Variants in NAV2 observed in about 807,000 individuals in gnomAD.
NAV2 encodes helicase, APC down-regulated 1.
In NAV2, 54 loss-of-function variants were observed where a neutral mutation model predicts 223.2. The observed-to-expected ratio is 0.24, with a 90% CI of 0.19 to 0.30. NAV2 has a LOEUF of 0.30. Among genes scored for constraint, NAV2 ranks in the 10% least tolerant of loss-of-function variants. NAV2 has a pLI of 1.00. For missense variants in NAV2, 2,806 were observed against 3,147.5 expected (o/e 0.89, Z 2.60); for synonymous variants, 1,279 against 1,239.3 (o/e 1.03, Z -0.67).
intron 1 of NAV2, among the ~76,000 whole-genome samples, chr11:19,624,801 G>A (rs759337520): frequency 2.0e-4 from 31 of 152,166 alleles, no homozygotes; most frequent in Non-Finnish European, 3.7e-4. Context: ...AGATGAACCC[G>A]GTACCTCAGT....
chr11:20,084,240 G>A (rs1466431737), intron 26 of NAV2, among the ~76,000 whole-genome samples: 2 of 152,216 alleles, frequency 1.3e-5, no homozygotes, highest in Non-Finnish European at 2.9e-5. Flanking sequence ...TGGGACTACA[G>A]GCGCATGCCA....
chr11:19,881,852 G>A (rs887457291), intron 5 of NAV2, among the ~76,000 whole-genome samples: 5 of 152,194 alleles, frequency 3.3e-5, no homozygotes, highest in Admixed American at 6.5e-5. Context: ...AGGACATGAA[G>A]GGTAAGCTTG....
intron 10 of NAV2, among the ~76,000 whole-genome samples, chr11:19,966,004 GGGGA>G (rs1324432133): frequency 6.6e-6 from 1 of 152,216 alleles, no homozygotes; most frequent in African/African-American, 2.4e-5. Flanking sequence ...GTGGCTTCCT[GGGGA>G]TTGGCAAACT....
chr11:20,040,449 A>G (rs1000403563), intron 12 of NAV2, among the ~76,000 whole-genome samples: 3 of 152,206 alleles, frequency 2.0e-5, no homozygotes, highest in Non-Finnish European at 4.4e-5. Context: ...TGTTTTATAC[A>G]TGAGTTAATA....
At chr11:19,483,149 T>C (rs1404863855) in intron 1 of NAV2, among the ~76,000 whole-genome samples, 1 of 152,212 alleles carries the variant, frequency 6.6e-6, no homozygotes, top group Non-Finnish European at 1.5e-5. Flanking sequence ...GTAAGTACTA[T>C]TAGTATATAG....
chr11:19,495,341 G>A (rs139815063), intron 1 of NAV2, among the ~76,000 whole-genome samples: 101 of 152,300 alleles, frequency 6.6e-4, no homozygotes, highest in African/African-American at 2.3e-3. Flanking sequence ...ACTCTAAAGG[G>A]AGTGACAGGC....
At chr11:19,790,632 G>A (rs2057451394) in intron 1 of NAV2, among the ~76,000 whole-genome samples, 1 of 152,200 alleles carries the variant, frequency 6.6e-6, no homozygotes, top group Non-Finnish European at 1.5e-5. Flanking sequence ...TCCTCTGTAA[G>A]AGTAACTCTG....
chr11:19,939,711 G>A lies in NAV2; in HGVS notation c.2084G>A (p.Gly695Asp), dbSNP rs144024926. The change falls in exon 8 of 38, where the codon GGT (glycine) becomes GAT (aspartate). Residue 695 changes from glycine (G) to aspartate (D), a missense_variant. By Grantham distance (94) the Gly-to-Asp change is moderately conservative. This residue lies in a region of NAV2 where 1,167 missense variants were observed against 1,180.5 expected (regional missense o/e 0.99). Coordinates refer to ENST00000349880, the MANE Select transcript of NAV2 (RefSeq NM_145117.5). ...GTTACTGCCGAGTCAAGCTCAACAG[G>A]TGTGAGCGTGGAGCCCAGCCACTTC... Reference protein sequence around the residue: ...GNVTAESSSTGVSVEPSHFTK... With the variant: ...GNVTAESSSTDVSVEPSHFTK... The A allele has an allele frequency of 1.2e-4, 198 of 1,614,044 alleles. No homozygotes were observed. The highest frequency in any genetic ancestry group is 1.6e-4 in the Non-Finnish European group (193 of 1,180,028).
chr11:19,986,872 G>A (rs2050840284), intron 11 of NAV2, among the ~76,000 whole-genome samples: 1 of 152,138 alleles, frequency 6.6e-6, no homozygotes, highest in Non-Finnish European at 1.5e-5. Flanking sequence ...TAGTACATTT[G>A]TTTCTGTAAA....
chr11:19,667,045 C>T (rs1464317700), intron 1 of NAV2, among the ~76,000 whole-genome samples: 1 of 151,984 alleles, frequency 6.6e-6, no homozygotes, highest in Non-Finnish European at 1.5e-5. Context: ...ACTACCCCAA[C>T]CCCCAGACTA....
At chr11:19,985,883 T>G (rs2050753643) in intron 11 of NAV2, among the ~76,000 whole-genome samples, 1 of 152,054 alleles carries the variant, frequency 6.6e-6, no homozygotes, top group Admixed American at 6.6e-5. Flanking sequence ...GGCTGAGAAC[T>G]GCTCTTACTA....
intron 1 of NAV2, among the ~76,000 whole-genome samples, chr11:19,775,591 G>C (rs550845232): frequency 6.6e-6 from 1 of 152,318 alleles, no homozygotes; most frequent in East Asian, 1.9e-4. Context: ...GTGGGACAAG[G>C]CAGAAAAGAA....
Position 20,097,595 on chromosome 11 carries a change from G to A in NAV2, c.6031G>A (p.Asp2011Asn). 1 of 1,596,710 alleles carries A rather than the reference G, an allele frequency of 6.3e-7. No individual in the cohort carries two copies. The highest frequency in any genetic ancestry group is 8.5e-7 in the Non-Finnish European group (1 of 1,174,840). ...TTTCCAGGAATACATCATTCATGTC[G>A]ACCCAGTGAGTCAGCTAGGGCTGAA... ...RLFKEYIIHV[D>N]PVSQLGLNSD... is the part of the protein sequence containing the mutation. The change falls in exon 31 of 38, where the codon GAC (aspartate) becomes AAC (asparagine). Residue 2011 changes from aspartate (D) to asparagine (N), a missense_variant. By Grantham distance (23) the Asp-to-Asn change is conservative. Transcript: ENST00000349880.
intron 1 of NAV2, among the ~76,000 whole-genome samples, chr11:19,492,583 T>C (rs1242978600): frequency 1.3e-5 from 2 of 152,270 alleles, no homozygotes; most frequent in Non-Finnish European, 2.9e-5. Flanking sequence ...TTCCACTTCA[T>C]GGGGCACAGT....
chr11:20,086,315 A>G (rs1565029451), intron 26 of NAV2, among the ~76,000 whole-genome samples: 1 of 152,138 alleles, frequency 6.6e-6, no homozygotes, highest in Admixed American at 6.5e-5. Context: ...GAACATTCCA[A>G]TCACACTCTC....
At chr11:19,935,942 C>T (rs144337947) in intron 7 of NAV2, among the ~76,000 whole-genome samples, 3,345 of 141,052 alleles carry the variant, frequency 0.024, 51 homozygotes, top group South Asian at 0.064. Flanking sequence ...ACTGCAACCT[C>T]TGCCTCCCAG....
chr11:19,587,876 G>A (rs1214503789), intron 1 of NAV2, among the ~76,000 whole-genome samples: 3 of 152,194 alleles, frequency 2.0e-5, no homozygotes, highest in African/African-American at 7.2e-5. Flanking sequence ...CTAGCCAGTG[G>A]ATAGCTCTTC....
At chr11:19,761,210 C>T (rs895708390) in intron 1 of NAV2, among the ~76,000 whole-genome samples, 3 of 152,270 alleles carry the variant, frequency 2.0e-5, no homozygotes, top group Admixed American at 6.5e-5. Context: ...GAGTTATTCA[C>T]TCATTTATCT....
rs936296987 is a variant in NAV2 at position 19,900,042 on chromosome 11, G to T, written c.931+7448G>T. ...GAGTGGGTGATAGCCATCTTTTTTT[G>T]GGAATCAGCTGTGATGTTATTATGA... On this transcript the variant is annotated intron_variant, in intron 6 of 37. Transcript: ENST00000349880. Among the ~76,000 whole-genome samples, 3 of 152,064 alleles carry T rather than the reference G, an allele frequency of 2.0e-5. No individual in the cohort carries two copies. The East Asian group carries it at 5.8e-4, about 29-fold the overall frequency.
Sources: gnomAD v4.1 joint callset for allele counts (sites outside exome capture counted in the v4.1 genomes callset) on GRCh38, gnomAD v4.1.1 for gene constraint, gnomAD v4.1.1 regional missense constraint, MANE v1.5 for transcripts, NCBI Gene and HGNC (gene_info 2026-07-23, HGNC 2026-07-21) for gene names.